The following ANO2 variants were observed in gnomAD, a reference collection of about 807,000 sequenced individuals.
The protein encoded by ANO2 is anoctamin-2.
A neutral mutation model predicts 124.2 loss-of-function variants in ANO2; 101 were observed. The ratio of observed to expected loss-of-function variants is 0.81; its 90% CI spans 0.69 to 0.96. ANO2 has a LOEUF of 0.96. ANO2 is among the 40% of genes least tolerant of loss of function. ANO2 has a pLI of 0.00. For missense variants in ANO2, 1,293 were observed against 1,274.5 expected (o/e 1.01, Z -0.22); for synonymous variants, 486 against 482.5 (o/e 1.01, Z -0.09).
At chr12:5,667,061 A>T (rs1399861490) in intron 14 of ANO2, among the ~76,000 whole-genome samples, 1 of 152,146 alleles carries the variant, frequency 6.6e-6, no homozygotes, top group African/African-American at 2.4e-5. Context: ...CTGAGAAAGA[A>T]ACACTGTCCT....
At chr12:5,675,361 G>A (rs541673907) in intron 14 of ANO2, among the ~76,000 whole-genome samples, 1 of 152,206 alleles carries the variant, frequency 6.6e-6, no homozygotes, top group South Asian at 2.1e-4. Flanking sequence ...CAATTTATTA[G>A]ACCTCAAACT....
chr12:5,756,391 A>G (rs890755180), intron 10 of ANO2, among the ~76,000 whole-genome samples: 1 of 152,120 alleles, frequency 6.6e-6, no homozygotes, highest in Non-Finnish European at 1.5e-5. Context: ...TCAGCTCCTA[A>G]TAAGGTAGTA....
Position 5,691,345 on chromosome 12 carries a change from AAAGAAG to A in ANO2, c.1545+41169_1545+41174del, listed in dbSNP as rs1469531146. 2.8e-3 allele frequency among the ~76,000 whole-genome samples: 213 copies of A among 75,422 alleles called. 5 individuals are homozygous for A. Among genetic ancestry groups the A allele is most frequent in the Middle Eastern group, 0.019 (2 of 108 alleles). 49.5% of individuals were successfully genotyped at this position (75,422 alleles called of 152,430 possible). On this transcript the variant is annotated intron_variant, in intron 14 of 24. Transcript: ENST00000682330. Reference sequence around the variant, plus strand: ...TCCATCTCAAAAAAAAAAAAAAAAAAAAGAAGAAGAAGAAGAAAAAGAAAAAAAGAA... The same window carrying A: ...TCCATCTCAAAAAAAAAAAAAAAAAAAAGAAGAAGAAAAAGAAAAAAAGAA...
chr12:5,847,088 T>C (rs543129837), intron 4 of ANO2, among the ~76,000 whole-genome samples: 2 of 152,290 alleles, frequency 1.3e-5, no homozygotes, highest in African/African-American at 4.8e-5. Flanking sequence ...AAATGAGCAT[T>C]TGAGTCAGTA....
chr12:5,856,728 A>T (rs951297292), intron 3 of ANO2: 11 of 152,184 alleles, frequency 7.2e-5, no homozygotes, highest in African/African-American at 2.7e-4. Context: ...GGCTCTAGAG[A>T]GTGTCATAGC....
chr12:5,849,961 C>A (rs984170212), intron 4 of ANO2, among the ~76,000 whole-genome samples: 3 of 152,180 alleles, frequency 2.0e-5, no homozygotes, highest in African/African-American at 7.2e-5. Flanking sequence ...TCTCTCAACT[C>A]AGGAACTGGG....
At chr12:5,565,861 A>G (rs1414604241) in intron 23 of ANO2, among the ~76,000 whole-genome samples, 198 bp from the exon 24 acceptor site, 1 of 152,194 alleles carries the variant, frequency 6.6e-6, no homozygotes, top group East Asian at 1.9e-4. Flanking sequence ...CAAGAAAGCC[A>G]ATGTCAGCCT....
intron 14 of ANO2, among the ~76,000 whole-genome samples, chr12:5,696,499 A>T (rs946008775): frequency 6.6e-6 from 1 of 152,190 alleles, no homozygotes; most frequent in African/African-American, 2.4e-5. Context: ...TGCTCACAAA[A>T]CCCAGAAGTT....
chr12:5,918,405 C>A (rs4764481), intron 3 of ANO2, among the ~76,000 whole-genome samples: 58,443 of 151,114 alleles, frequency 0.39, 13,810 homozygotes, highest in East Asian at 0.79. Flanking sequence ...CTCTGGGGAT[C>A]CCTTCCAGTT....
At position 5,656,340 on chromosome 12, in the gene ANO2, G is replaced by A. The variant is rs563114924; in HGVS notation, c.1546-8539C>T. Among the ~76,000 whole-genome samples, 23 of 152,306 alleles carry A rather than the reference G, an allele frequency of 1.5e-4. No individual in the cohort carries two copies. The South Asian group carries it at 4.1e-3, about 27-fold the overall frequency. On this transcript the variant is annotated intron_variant, in intron 14 of 24. Transcript: ENST00000682330. Reference sequence around the variant, plus strand: ...AAGCTCAAATGTCACAAAAAGAATGGATCATCTTGTTCCTTAAACCTTCTT... The same window carrying A: ...AAGCTCAAATGTCACAAAAAGAATGAATCATCTTGTTCCTTAAACCTTCTT...
intron 10 of ANO2, among the ~76,000 whole-genome samples, chr12:5,771,671 T>C (rs749480621): frequency 4.6e-5 from 7 of 152,140 alleles, no homozygotes; most frequent in Non-Finnish European, 1.0e-4. Context: ...TCCCAGCTAC[T>C]CGGGAGGCTG....
chr12:5,602,554 TGAAACTCCAACACTTAATCAGAAAGAGAA>T (rs1943994200), intron 19 of ANO2, among the ~76,000 whole-genome samples: 8 of 152,080 alleles, frequency 5.3e-5, no homozygotes, highest in Admixed American at 5.2e-4. Context: ...ACACCCGGCC[TGAAACTCCAACACTTAATCAGAAAGAGAA>T]GACAGAGACA....
chr12:5,695,173 A>C (rs1204038226), intron 14 of ANO2, among the ~76,000 whole-genome samples: 5 of 152,150 alleles, frequency 3.3e-5, no homozygotes, highest in African/African-American at 1.2e-4. Flanking sequence ...TTTTTGTGTT[A>C]GAGTAGAGAG....
intron 14 of ANO2, among the ~76,000 whole-genome samples, chr12:5,710,236 A>T (rs921256468): frequency 2.6e-5 from 4 of 152,352 alleles, no homozygotes; most frequent in African/African-American, 9.6e-5. Context: ...TGGCTGCTGC[A>T]AGAGCAGCTC....
chr12:5,856,278 C>G (rs547380158), intron 3 of ANO2: 5 of 152,308 alleles, frequency 3.3e-5, no homozygotes, highest in African/African-American at 1.2e-4. Context: ...TATTTTCAAA[C>G]TGTGATGAAT....
Position 5,750,951 on chromosome 12 carries a change from T to C in ANO2, c.1075A>G (p.Ile359Val). ...DLIRKYFGEK[I>V]GLYFAWLGLY... ...CCCAGCCAGGCAAAATACAGTCCAA[T>C]TTTTTCTCCAAAATACTTTCTGGAA... Residue 359 changes from isoleucine (I) to valine (V), a missense_variant, in exon 11 of 25, where the codon ATT becomes GTT. Coordinates refer to ENST00000682330, the MANE Select transcript of ANO2 (RefSeq NM_001364791.2). The C allele has an allele frequency of 6.2e-7, 1 of 1,602,990 alleles. No homozygotes were observed.
At chr12:5,610,202 TATAA>T (rs1209700490) in intron 19 of ANO2, among the ~76,000 whole-genome samples, 73 of 129,902 alleles carry the variant, frequency 5.6e-4, no homozygotes, top group African/African-American at 1.9e-3. Flanking sequence ...TATATACTTA[TATAA>T]ATACTTATAT....
intron 19 of ANO2, among the ~76,000 whole-genome samples, chr12:5,606,851 T>A (rs898783014): frequency 2.6e-5 from 4 of 152,158 alleles, no homozygotes; most frequent in African/African-American, 9.7e-5. Context: ...AGATAAATTA[T>A]AGCTGACTAC....
At chr12:5,690,300 T>C (rs1408578671) in intron 14 of ANO2, among the ~76,000 whole-genome samples, 1 of 152,100 alleles carries the variant, frequency 6.6e-6, no homozygotes, top group Non-Finnish European at 1.5e-5. Context: ...TGAGCCTCAA[T>C]ATTTTCTCAC....
Sources: allele counts gnomAD v4.1 joint callset (sites outside exome capture counted in the v4.1 genomes callset), GRCh38; gene constraint gnomAD v4.1.1; transcripts MANE v1.5; gene names NCBI Gene and HGNC (gene_info 2026-07-23, HGNC 2026-07-21).